Variants in TNR observed in about 807,000 individuals in gnomAD.
The protein encoded by TNR is tenascin R.
In TNR, 45 loss-of-function variants were observed where a neutral mutation model predicts 150.4. That is an observed-to-expected ratio of 0.30 (90% CI 0.24 to 0.38). TNR has a LOEUF of 0.38. Among genes scored for constraint, TNR ranks in the 10% least tolerant of loss-of-function variants. The probability of loss-of-function intolerance (pLI) is 1.00; values close to 1 mark genes in which losing one functional copy is unlikely to be tolerated. For synonymous variants in TNR, 687 were observed against 678.4 expected, an observed-to-expected ratio of 1.01 and a Z score of -0.20; for missense variants, 1,544 against 1,759.1, an observed-to-expected ratio of 0.88 and a Z score of 2.19.
At chr1:175,610,807 T>C (rs1663571095) in intron 1 of TNR, among the ~76,000 whole-genome samples, 1 of 152,248 alleles carries the variant, frequency 6.6e-6, no homozygotes, top group South Asian at 2.1e-4. Context: ...ACACACATCA[T>C]AGACCATGCC....
At chr1:175,563,886 A>G (rs1296918798) in intron 1 of TNR, among the ~76,000 whole-genome samples, 3 of 152,282 alleles carry the variant, frequency 2.0e-5, no homozygotes, top group Non-Finnish European at 1.5e-5. Context: ...GTGTTTTAGC[A>G]AAGTGCTTTC....
At chr1:175,391,864 T>C (rs894091247) in intron 6 of TNR, among the ~76,000 whole-genome samples, 2 of 152,244 alleles carry the variant, frequency 1.3e-5, no homozygotes, top group African/African-American at 4.8e-5. Context: ...TGTGTTTGTG[T>C]GTAAACATCT....
chr1:175,694,814 A>G (rs1252944849), intron 1 of TNR, among the ~76,000 whole-genome samples: 1 of 152,190 alleles, frequency 6.6e-6, no homozygotes, highest in African/African-American at 2.4e-5. Context: ...GACATCTACA[A>G]TCAAAGGAGA....
At chr1:175,508,857 A>G (rs1571539804) in intron 2 of TNR, among the ~76,000 whole-genome samples, 1 of 152,208 alleles carries the variant, frequency 6.6e-6, no homozygotes. Context: ...TGACTCAACA[A>G]TAGACAATTA....
chr1:175,610,814 T>A (rs967506419), intron 1 of TNR, among the ~76,000 whole-genome samples: 1 of 152,254 alleles, frequency 6.6e-6, no homozygotes, highest in African/African-American at 2.4e-5. Context: ...TCATAGACCA[T>A]GCCCTCTAAC....
chr1:175,630,366 T>C (rs374276226), intron 1 of TNR, among the ~76,000 whole-genome samples: 1 of 152,246 alleles, frequency 6.6e-6, no homozygotes. Flanking sequence ...ATTGAGTGTG[T>C]GTCTATCAGT....
intron 1 of TNR, among the ~76,000 whole-genome samples, chr1:175,711,588 A>G (rs887778033): frequency 7.2e-5 from 11 of 152,218 alleles, no homozygotes; most frequent in African/African-American, 2.7e-4. Context: ...TAAGCCACAA[A>G]GGGTGAGGGC....
chr1:175,323,935 A>G (rs2101977913), intron 22 of TNR, among the ~76,000 whole-genome samples: 1 of 152,256 alleles, frequency 6.6e-6, no homozygotes, highest in South Asian at 2.1e-4. Context: ...ACACTTAGAA[A>G]GTCTAGTTGG....
At chr1:175,666,891 C>T (rs897262175) in intron 1 of TNR, among the ~76,000 whole-genome samples, 3 of 152,162 alleles carry the variant, frequency 2.0e-5, no homozygotes, top group African/African-American at 7.2e-5. Flanking sequence ...GGACTACAGG[C>T]ACACACCACC....
At chr1:175,650,585 A>G (rs912083662) in intron 1 of TNR, among the ~76,000 whole-genome samples, 2 of 151,250 alleles carry the variant, frequency 1.3e-5, no homozygotes, top group African/African-American at 2.4e-5. Context: ...TCTTGCCCCC[A>G]CAAGATTACT....
chr1:175,377,304 G>T (rs565958270), intron 9 of TNR, among the ~76,000 whole-genome samples: 11 of 152,100 alleles, frequency 7.2e-5, no homozygotes, highest in African/African-American at 1.2e-4. Context: ...TAACTAGGAC[G>T]TGGGGTTTTC....
intron 20 of TNR, among the ~76,000 whole-genome samples, chr1:175,331,043 T>TTCTTTCTTTCCTTC (rs1557867516): frequency 1.3e-5 from 1 of 78,886 alleles, no homozygotes; most frequent in Non-Finnish European, 2.7e-5. Context: ...CTTTCTTTCT[T>TTCTTTCTTTCCTTC]TCTTTCTTTC....
chr1:175,434,909 C>A (rs1182428748), intron 2 of TNR, among the ~76,000 whole-genome samples: 1 of 152,224 alleles, frequency 6.6e-6, no homozygotes, highest in Non-Finnish European at 1.5e-5. Context: ...TTCCAGGTTG[C>A]TTTCCATGAT....
At chr1:175,589,155 C>T (rs145917020) in intron 1 of TNR, among the ~76,000 whole-genome samples, 4 of 152,164 alleles carry the variant, frequency 2.6e-5, no homozygotes, top group East Asian at 1.9e-4. Flanking sequence ...CTCTTGAGAT[C>T]GAAACCAAGC....
At chr1:175,664,508 T>C (rs1665472196) in intron 1 of TNR, among the ~76,000 whole-genome samples, 1 of 152,136 alleles carries the variant, frequency 6.6e-6, no homozygotes, top group East Asian at 1.9e-4. Flanking sequence ...GGTGAGGTGG[T>C]CAGGGCAGAA....
intron 2 of TNR, among the ~76,000 whole-genome samples, chr1:175,407,007 G>C (rs983020082): frequency 6.6e-6 from 1 of 152,200 alleles, no homozygotes. Flanking sequence ...TTCTCAAAAG[G>C]CTTATCTAGA....
rs183021425 is a variant in TNR, at chr1:175,682,921, T to C, written c.-165+60305A>G. Among the ~76,000 whole-genome samples the C allele has an allele frequency of 8.5e-5, 13 of 152,330 alleles. No homozygotes were observed. In the South Asian group the frequency reaches 1.9e-3, roughly 22 times the overall value. ...ACTCCTGCAGAAAGGAAGTATTCTA[T>C]GTGTAGCTAGAGCCAGGAAAGTCCA... On this transcript the variant is annotated intron_variant, in intron 1 of 22. Coordinates refer to ENST00000367674, the MANE Select transcript of TNR (RefSeq NM_003285.3).
At chr1:175,579,406 A>G (rs1408971116) in intron 1 of TNR, among the ~76,000 whole-genome samples, 1 of 152,052 alleles carries the variant, frequency 6.6e-6, no homozygotes, top group Non-Finnish European at 1.5e-5. Context: ...GAGGGGCTTG[A>G]AGTATGAGCA....
At chr1:175,499,045 C>T (rs192158683) in intron 2 of TNR, among the ~76,000 whole-genome samples, 4 of 152,280 alleles carry the variant, frequency 2.6e-5, no homozygotes, top group East Asian at 3.9e-4. Flanking sequence ...CTATGAAAGT[C>T]GACATAGCAC....
Sources: gnomAD v4.1 joint callset for allele counts (sites outside exome capture counted in the v4.1 genomes callset) on GRCh38, gnomAD v4.1.1 for gene constraint, MANE v1.5 for transcripts, NCBI Gene and HGNC (gene_info 2026-07-23, HGNC 2026-07-21) for gene names.